GFRA1: variants seen among roughly 807,000 people sequenced by gnomAD.
GFRA1 encodes GDNF family receptor alpha-1.
In GFRA1, 16 loss-of-function variants were observed where a neutral mutation model predicts 51.6. The observed-to-expected ratio is 0.31, with a 90% CI of 0.21 to 0.47. The LOEUF (loss-of-function observed/expected upper bound fraction) is 0.47, where lower values mean the gene tolerates loss of function less well. GFRA1 is among the 20% of genes least tolerant of loss of function. The pLI is 1.00. For missense variants in GFRA1, 530 were observed against 594.3 expected (o/e 0.89, Z 1.13); for synonymous variants, 270 against 241.3 (o/e 1.12, Z -1.10).
In GFRA1 at chr10:116,062,349, C is replaced by T; in HGVS notation, c.*2049G>A. ...GACACACTTACTTAATGTGTTTATT[C>T]AAAGTAAGAGTCTTTATAGATCTTT... On this transcript the variant is annotated 3_prime_UTR_variant, in exon 11 of 11. Transcript: ENST00000355422. 1 of 384,416 alleles carries T rather than the reference C, an allele frequency of 2.6e-6. No homozygotes were observed. Among genetic ancestry groups the T allele is most frequent in the Non-Finnish European group, 4.6e-6 (1 of 217,698 alleles). The allele number at this position is 384,416 out of a possible 1,614,324, so 23.8% of individuals were successfully genotyped here.
chr10:116,272,338 C>T lies in GFRA1; in HGVS notation c.-246-63G>A, dbSNP rs1227971462. 12 of 498,958 alleles carry T rather than the reference C, an allele frequency of 2.4e-5. No individual in the cohort carries two copies. The highest frequency in any genetic ancestry group is 1.6e-4 in the South Asian group (7 of 44,904). 30.9% of individuals were successfully genotyped at this position (498,958 alleles called of 1,614,324 possible). ...GCGCCGGAGACTCCCCCCACAGAAC[C>T]CTCTCCCCTCCCCCGTTCCCGCCTT... On this transcript the variant is annotated intron_variant, in intron 1 of 10. Coordinates refer to ENST00000355422, the MANE Select transcript of GFRA1 (RefSeq NM_005264.8). This position sits in a 1 kb window ranked among gnomAD's most constrained non-coding sequence, Gnocchi z 4.4.
intron 4 of GFRA1, among the ~76,000 whole-genome samples, chr10:116,241,058 A>T (rs1218143913): frequency 6.6e-6 from 1 of 152,152 alleles, no homozygotes; most frequent in Non-Finnish European, 1.5e-5. Context: ...GATGAATCTC[A>T]ATCCTCAAAA....
At chr10:116,155,890 G>C (rs575344433) in intron 5 of GFRA1, among the ~76,000 whole-genome samples, 16 of 152,282 alleles carry the variant, frequency 1.1e-4, no homozygotes, top group African/African-American at 3.4e-4. Flanking sequence ...GGCTAGTAAG[G>C]GAGGGAGAAG....
intron 6 of GFRA1, 122 bp downstream of exon 6, chr10:116,125,099 G>T: frequency 1.2e-6 from 1 of 851,068 alleles, no homozygotes; most frequent in Non-Finnish European, 2.0e-6. Context: ...CATTCAAATG[G>T]ACTGGGCTCC....
chr10:116,145,354 A>G (rs1380078860), intron 5 of GFRA1, among the ~76,000 whole-genome samples: 1 of 152,016 alleles, frequency 6.6e-6, no homozygotes, highest in South Asian at 2.1e-4. Context: ...AATAAAAAAG[A>G]CTGTCAAGCT....
intron 6 of GFRA1, among the ~76,000 whole-genome samples, chr10:116,117,533 ATGGGTGGGTGGGTGGGTGGGTGTG>A (rs1471397570): frequency 1.5e-4 from 3 of 19,558 alleles, no homozygotes; most frequent in African/African-American, 2.2e-4. Flanking sequence ...AGATGGATGG[ATGGGTGGGTGGGTGGGTGGGTGTG>A]TGGATGGATG....
chr10:116,224,634 G>C (rs568437424), intron 4 of GFRA1, among the ~76,000 whole-genome samples: 1 of 152,288 alleles, frequency 6.6e-6, no homozygotes, highest in Admixed American at 6.5e-5. Context: ...GAAATATCCA[G>C]AATTGGTAAA....
At chr10:116,259,374 C>T (rs1226344332) in intron 4 of GFRA1, among the ~76,000 whole-genome samples, 2 of 145,866 alleles carry the variant, frequency 1.4e-5, no homozygotes, top group African/African-American at 5.1e-5. Flanking sequence ...GACAACATGA[C>T]AAAAAATGGC....
At chr10:116,076,583 GCA>G (rs574121178) in intron 9 of GFRA1, among the ~76,000 whole-genome samples, 3 of 152,224 alleles carry the variant, frequency 2.0e-5, no homozygotes, top group Non-Finnish European at 4.4e-5. Context: ...ACTGCTTATA[GCA>G]CAGAGTGGTA....
At chr10:116,197,113 G>C (rs1211310450) in intron 5 of GFRA1, among the ~76,000 whole-genome samples, 1 of 151,842 alleles carries the variant, frequency 6.6e-6, no homozygotes, top group African/African-American at 2.4e-5. Context: ...TCATTGCTAG[G>C]GTCTGAATGT....
At chr10:116,207,196 A>G (rs1188569666) in intron 5 of GFRA1, among the ~76,000 whole-genome samples, 2 of 122,320 alleles carry the variant, frequency 1.6e-5, no homozygotes, top group East Asian at 4.5e-4. Flanking sequence ...CTGAGGCCAG[A>G]GGCCAAAGCA....
chr10:116,089,678 G>C, intron 9 of GFRA1, 63 bp downstream of exon 9: 1 of 1,353,956 alleles, frequency 7.4e-7, no homozygotes, highest in Non-Finnish European at 1.1e-6. Context: ...AAATGGGTCT[G>C]CCCGTGTTTC....
intron 5 of GFRA1, among the ~76,000 whole-genome samples, chr10:116,170,942 T>C (rs1960961019): frequency 6.6e-6 from 1 of 152,212 alleles, no homozygotes; most frequent in Admixed American, 6.5e-5. Context: ...CACATCATCC[T>C]TTTGCTAACA....
chr10:116,252,641 G>GA (rs1968482839), intron 4 of GFRA1, among the ~76,000 whole-genome samples: 1 of 152,284 alleles, frequency 6.6e-6, no homozygotes, highest in African/African-American at 2.4e-5. Context: ...TTCCGCCCTG[G>GA]AAAGCTGGAA....
At chr10:116,132,832 T>C (rs986013747) in intron 5 of GFRA1, among the ~76,000 whole-genome samples, 5 of 152,070 alleles carry the variant, frequency 3.3e-5, no homozygotes, top group Non-Finnish European at 7.4e-5. Context: ...TTTACACCCT[T>C]GGAGTCAAAG....
At chr10:116,232,278 C>T (rs902581610) in intron 4 of GFRA1, among the ~76,000 whole-genome samples, 5 of 152,188 alleles carry the variant, frequency 3.3e-5, no homozygotes, top group Admixed American at 2.0e-4. Flanking sequence ...ATATGCCTTA[C>T]AGGGTGTAAT....
chr10:116,172,771 C>T (rs75814849), intron 5 of GFRA1, among the ~76,000 whole-genome samples: 3,268 of 152,260 alleles, frequency 0.021, 118 homozygotes, highest in African/African-American at 0.073. Flanking sequence ...CTTATCCTCA[C>T]TGAGTGGGGC....
At chr10:116,206,993 G>A (rs1390287399) in intron 5 of GFRA1, among the ~76,000 whole-genome samples, 1 of 152,146 alleles carries the variant, frequency 6.6e-6, no homozygotes, top group East Asian at 1.9e-4. Flanking sequence ...TTTCACCCAG[G>A]TTATCTAGTG....
chr10:116,230,422 A>G lies in GFRA1; in HGVS notation c.419-18777T>C, dbSNP rs542446612. ...ATTAGTCTCTCTCATGCCAAAGGCC[A>G]AGCTCTTCTCACTATGTTGAGTGGC... On this transcript the variant is annotated intron_variant, in intron 4 of 10. Transcript: ENST00000355422. Among the ~76,000 whole-genome samples the G allele has an allele frequency of 6.6e-5, 10 of 152,360 alleles. No homozygotes were observed. In the South Asian group the frequency reaches 2.1e-3, roughly 32 times the overall value.
Sources: gnomAD v4.1 joint callset for allele counts (sites outside exome capture counted in the v4.1 genomes callset) on GRCh38, gnomAD v4.1.1 for gene constraint, Gnocchi (gnomAD v3.1) non-coding constraint, MANE v1.5 for transcripts, NCBI Gene and HGNC (gene_info 2026-07-23, HGNC 2026-07-21) for gene names.